Variants in AGMO observed in about 807,000 individuals in gnomAD.
The protein encoded by AGMO is glyceryl-ether monooxygenase.
In AGMO, 75 loss-of-function variants were observed where a neutral mutation model predicts 60.2. That is an observed-to-expected ratio of 1.25 (90% confidence interval 1.03 to 1.51). The LOEUF (loss-of-function observed/expected upper bound fraction) is 1.51, where lower values mean the gene tolerates loss of function less well. Among genes scored for constraint, AGMO ranks in the 40% most tolerant of loss-of-function variants. The pLI is 0.00. For synonymous variants in AGMO, 261 were observed against 177.1 expected, an observed-to-expected ratio of 1.47 and a Z score of -3.76; for missense variants, 763 against 525.5, an observed-to-expected ratio of 1.45 and a Z score of -4.42.
chr7:15,461,397 T>C (rs1782138206), intron 3 of AGMO, among the ~76,000 whole-genome samples: 1 of 152,000 alleles, frequency 6.6e-6, no homozygotes, highest in Admixed American at 6.6e-5. Context: ...CTTTTCAATA[T>C]TACAACTTCA....
intron 10 of AGMO, among the ~76,000 whole-genome samples, chr7:15,380,518 A>C (rs1291270985): frequency 6.6e-6 from 1 of 152,158 alleles, no homozygotes; most frequent in Admixed American, 6.6e-5. Flanking sequence ...ATATTGACAC[A>C]AACAACTGGA....
Position 15,211,732 on chromosome 7 carries a change from C to T in AGMO, c.1264-10373G>A, listed in dbSNP as rs530470768. Among the ~76,000 whole-genome samples the T allele has an allele frequency of 3.3e-5, 5 of 152,130 alleles. No individual in the cohort carries two copies. The East Asian group carries it at 5.8e-4, about 18-fold the overall frequency. On this transcript the variant is annotated intron_variant, in intron 12 of 12. Coordinates refer to ENST00000342526, the MANE Select transcript of AGMO (RefSeq NM_001004320.2). ...TTCATATTTCATTAAATTCCCCACT[C>T]ATATATAAAACTATGTCCAAAATAA...
chr7:15,428,095 T>A (rs1189470178), intron 4 of AGMO, among the ~76,000 whole-genome samples: 1 of 147,746 alleles, frequency 6.8e-6, no homozygotes, highest in East Asian at 1.9e-4. Flanking sequence ...AATACATTGT[T>A]ACCTTGGTAA....
chr7:15,210,110 CAG>C (rs1781546215), intron 12 of AGMO, among the ~76,000 whole-genome samples: 1 of 152,018 alleles, frequency 6.6e-6, no homozygotes, highest in Non-Finnish European at 1.5e-5. Flanking sequence ...TCAAATGATA[CAG>C]AGTATTGGAA....
At chr7:15,146,941 A>C in the AGMO span, among the ~76,000 whole-genome samples, 1 of 152,202 alleles carries the variant, frequency 6.6e-6, no homozygotes, top group Non-Finnish European at 1.5e-5. Flanking sequence ...AAATTAACAT[A>C]TGTATTTTTT....
chr7:15,412,510 A>C (rs1780641931), intron 5 of AGMO, among the ~76,000 whole-genome samples: 1 of 151,908 alleles, frequency 6.6e-6, no homozygotes, highest in African/African-American at 2.4e-5. Flanking sequence ...CTCTTAAATT[A>C]CTCACATGTA....
intron 3 of AGMO, among the ~76,000 whole-genome samples, chr7:15,433,033 T>C (rs542529092): frequency 1.7e-4 from 26 of 152,210 alleles, no homozygotes; most frequent in African/African-American, 6.3e-4. Flanking sequence ...CTGCTGAACA[T>C]TTTATAACTT....
At chr7:15,168,391 C>G in the AGMO span, among the ~76,000 whole-genome samples, 1 of 152,172 alleles carries the variant, frequency 6.6e-6, no homozygotes, top group Non-Finnish European at 1.5e-5. Flanking sequence ...ATAGTTAGAT[C>G]AATGTTTCCT....
At chr7:15,371,471 A>G (rs1013318066) in intron 10 of AGMO, among the ~76,000 whole-genome samples, 17 of 151,976 alleles carry the variant, frequency 1.1e-4, no homozygotes, top group African/African-American at 4.1e-4. Context: ...GCTCACTGCA[A>G]TCTCCGCCTC....
intron 12 of AGMO, among the ~76,000 whole-genome samples, chr7:15,323,741 C>A (rs561883917): frequency 4.6e-5 from 7 of 152,192 alleles, no homozygotes; most frequent in Non-Finnish European, 7.4e-5. Flanking sequence ...TTCAGAGCAG[C>A]TTTGCAGCTG....
At chr7:15,325,800 T>C (rs1037911239) in intron 12 of AGMO, among the ~76,000 whole-genome samples, 3 of 152,172 alleles carry the variant, frequency 2.0e-5, no homozygotes, top group Admixed American at 6.5e-5. Flanking sequence ...ATTATCTTAA[T>C]AGGAAGTTTT....
chr7:15,130,706 TTG>T, the AGMO span, among the ~76,000 whole-genome samples: 4,234 of 152,200 alleles, frequency 0.028, 203 homozygotes, highest in African/African-American at 0.097. Context: ...GAAGAATATT[TTG>T]TGTTTGTTAA....
intron 4 of AGMO, among the ~76,000 whole-genome samples, chr7:15,423,215 T>A (rs1780971613): frequency 6.6e-6 from 1 of 152,160 alleles, no homozygotes; most frequent in Non-Finnish European, 1.5e-5. Context: ...TTCATCCGAA[T>A]TCAGAAACTA....
the AGMO span, among the ~76,000 whole-genome samples, chr7:15,156,294 G>T: frequency 1.3e-5 from 2 of 152,338 alleles, no homozygotes; most frequent in Admixed American, 1.3e-4. Context: ...GGCAGTGGCT[G>T]CTGGCAAGCT....
chr7:15,422,769 C>A (rs906249396), intron 4 of AGMO, among the ~76,000 whole-genome samples: 1 of 152,090 alleles, frequency 6.6e-6, no homozygotes, highest in Admixed American at 6.6e-5. Context: ...AAATTGCCAA[C>A]CTGGTACAAG....
intron 12 of AGMO, among the ~76,000 whole-genome samples, chr7:15,354,540 A>G (rs9691258): frequency 0.018 from 1,412 of 76,528 alleles, 183 homozygotes; most frequent in African/African-American, 0.065. Flanking sequence ...ATATATATAT[A>G]GCTCCCCTCA....
chr7:15,393,073 A>G (rs904179644), intron 6 of AGMO, among the ~76,000 whole-genome samples: 6 of 152,238 alleles, frequency 3.9e-5, no homozygotes, highest in Non-Finnish European at 8.8e-5. Flanking sequence ...ATCACTGTGA[A>G]AGTCGAAGAA....
intron 5 of AGMO, among the ~76,000 whole-genome samples, chr7:15,405,263 G>A (rs566215854): frequency 2.6e-5 from 4 of 151,886 alleles, no homozygotes; most frequent in African/African-American, 9.6e-5. Flanking sequence ...CACAATCAGT[G>A]CGTTCATTCA....
chr7:15,558,582 T>G (rs1785216481), intron 2 of AGMO, among the ~76,000 whole-genome samples: 2 of 152,220 alleles, frequency 1.3e-5, no homozygotes, highest in Admixed American at 1.3e-4. Context: ...AAATTCTTAT[T>G]CATGATAATC....
Sources: gnomAD v4.1 joint callset for allele counts (sites outside exome capture counted in the v4.1 genomes callset) on GRCh38, gnomAD v4.1.1 for gene constraint, MANE v1.5 for transcripts, NCBI Gene and HGNC (gene_info 2026-07-23, HGNC 2026-07-21) for gene names.